The following ARF4 variants were observed in gnomAD, a reference collection of about 807,000 sequenced individuals.
ARF4 encodes ARF GTPase 4, also known as ADP-ribosylation factor 4.
ARF4 carries 5 observed loss-of-function variants against 24.3 expected under a neutral mutation model. The observed-to-expected ratio is 0.21, with a 90% CI of 0.11 to 0.43. The LOEUF is 0.43. Ranked by LOEUF, ARF4 falls within the 20% of genes least tolerant of loss-of-function variation. ARF4 has a pLI of 1.00. For synonymous variants in ARF4, 62 were observed against 73.5 expected, an observed-to-expected ratio of 0.84 and a Z score of 0.80; for missense variants, 107 against 213.0, an observed-to-expected ratio of 0.50 and a Z score of 3.10.
At chr3:57,574,998 C>T (rs2069886430) in intron 5 of ARF4, among the ~76,000 whole-genome samples, 2 of 152,106 alleles carry the variant, frequency 1.3e-5, no homozygotes, top group East Asian at 3.9e-4. Flanking sequence ...TACAGGCATG[C>T]GCAACCACAC....
chr3:57,575,274 ATCT>A lies in ARF4; in HGVS notation c.456+271_456+273del, dbSNP rs1019330622. The stretch of plus-strand genomic sequence containing the variant: ...AAAATTAAAATTAAGACTATCAATA[ATCT>A]TCTTTCCATTCCTTCCACCTCTCCC... On this transcript the variant is annotated intron_variant, in intron 5 of 5. Coordinates refer to ENST00000303436, the MANE Select transcript of ARF4 (RefSeq NM_001660.4). 2.0e-5 allele frequency among the ~76,000 whole-genome samples: 3 copies of A among 150,308 alleles called. No homozygotes were observed. The Admixed American group carries it at 2.0e-4, about 10-fold the overall frequency.
chr3:57,578,768 G>A (rs1306770633), intron 3 of ARF4, among the ~76,000 whole-genome samples: 5 of 152,026 alleles, frequency 3.3e-5, no homozygotes, highest in African/African-American at 4.8e-5. Context: ...CATGAGCCAT[G>A]GCACCTGGCC....
chr3:57,596,831 G>C, intron 1 of ARF4: 5 of 510,424 alleles, frequency 9.8e-6, no homozygotes, highest in South Asian at 8.8e-5. Context: ...AGGAGAAAAA[G>C]CCGAGTCCAG....
chr3:57,573,155 T>C (rs1490624476), intron 5 of ARF4, among the ~76,000 whole-genome samples: 4 of 147,262 alleles, frequency 2.7e-5, no homozygotes, highest in Non-Finnish European at 6.0e-5. Flanking sequence ...TGAGCCGAGA[T>C]CGTGCCACAG....
chr3:57,576,504 C>CTT lies in ARF4; in HGVS notation c.330+810_330+811dup, dbSNP rs376750506. ...GTGTGTGAAGTATGTCTCAACCAAG[C>CTT]TTTTTTTTTTTTTTTTTTTTTTGAA... is the stretch of plus-strand genomic sequence containing the variant. On this transcript the variant is annotated intron_variant, in intron 4 of 5. Transcript: ENST00000303436. 4.9e-3 allele frequency among the ~76,000 whole-genome samples: 501 copies of CTT among 101,558 alleles called. 6 individuals are homozygous for CTT. The highest frequency in any genetic ancestry group is 0.047 in the East Asian group (152 of 3,254). 66.6% of individuals were successfully genotyped at this position (101,558 alleles called of 152,430 possible). A position where few individuals can be genotyped will look rare whatever the true frequency, so the allele number is the denominator to read the frequency against.
chr3:57,584,879 G>T (rs556384101), intron 1 of ARF4, among the ~76,000 whole-genome samples: 1 of 151,862 alleles, frequency 6.6e-6, no homozygotes, highest in Admixed American at 6.6e-5. Flanking sequence ...GCAGGGGAGC[G>T]GGGGGACGTA....
At chr3:57,590,845 A>G (rs991873122) in intron 1 of ARF4, among the ~76,000 whole-genome samples, 2 of 152,118 alleles carry the variant, frequency 1.3e-5, no homozygotes, top group Admixed American at 6.6e-5. Context: ...TGCCCAGCTA[A>G]TTTTTAAAAT....
chr3:57,577,436 T>G, intron 3 of ARF4, 49 bp from the exon 4 acceptor site: 1 of 1,469,420 alleles, frequency 6.8e-7, no homozygotes, highest in Non-Finnish European at 9.5e-7. Context: ...CGACACTCTC[T>G]ATATGAAACA....
At chr3:57,586,573 C>G (rs1350381591) in intron 1 of ARF4, among the ~76,000 whole-genome samples, 3 of 152,156 alleles carry the variant, frequency 2.0e-5, no homozygotes, top group Non-Finnish European at 4.4e-5. Context: ...CCACTTCGTA[C>G]TCGGATACAG....
chr3:57,582,755 A>ATTAAC (rs9311655), intron 3 of ARF4, among the ~76,000 whole-genome samples: 55,078 of 151,452 alleles, frequency 0.36, 10,270 homozygotes, highest in East Asian at 0.56. Flanking sequence ...AAAAAAAATT[A>ATTAAC]TTAAGTAATA....
intron 1 of ARF4, among the ~76,000 whole-genome samples, chr3:57,594,921 G>A (rs888837622): frequency 2.6e-5 from 4 of 152,142 alleles, no homozygotes; most frequent in Admixed American, 6.6e-5. Flanking sequence ...CTCGTACGTT[G>A]ATACTTCCTT....
In ARF4 at chr3:57,584,011, C is replaced by T. The variant is rs745521800; in HGVS notation, c.149-4G>A. On this transcript the variant is annotated splice_region_variant and splice_polypyrimidine_tract_variant and intron_variant, in intron 2 of 5. Transcript: ENST00000303436. ...TCTACTGTTTCCACATTAAAACCTA[C>T]AAAGAAAAACAAAAATGACCGCTGT... 1.3e-6 allele frequency: 2 copies of T among 1,577,434 alleles called. No individual in the cohort carries two copies. The highest frequency in any genetic ancestry group is 1.7e-5 in the Admixed American group (1 of 58,798).
At chr3:57,596,153 G>A (rs897195623) in intron 1 of ARF4, among the ~76,000 whole-genome samples, 3 of 152,008 alleles carry the variant, frequency 2.0e-5, no homozygotes, top group Non-Finnish European at 4.4e-5. Context: ...TCCCTCAGCT[G>A]AGCAAAAACA....
intron 3 of ARF4, among the ~76,000 whole-genome samples, chr3:57,580,789 TAA>T (rs1215628192): frequency 6.7e-6 from 1 of 150,274 alleles, no homozygotes; most frequent in African/African-American, 2.4e-5. Context: ...TTTTTTTTTT[TAA>T]ATGTAAAGAC....
rs369229115 is a variant in ARF4, at chr3:57,573,586, C to A, written c.457-1288G>T. Among the ~76,000 whole-genome samples the A allele has an allele frequency of 5.3e-5, 8 of 152,132 alleles. No homozygotes were observed. The East Asian group carries it at 1.5e-3, about 29-fold the overall frequency. ...GTTGCTTGCTTATTTATTGATTGAT[C>A]GACTGATTGTTTTGAGGCAGAGTAC... On this transcript the variant is annotated intron_variant, in intron 5 of 5. Coordinates refer to ENST00000303436, the MANE Select transcript of ARF4 (RefSeq NM_001660.4).
chr3:57,572,123 G>T lies in ARF4; in HGVS notation c.*89C>A. Reference sequence around the variant, plus strand: ...TCTGCCCAAACCAGTCCCAGATACTGTTTAATAACCAAGATACAAACTAAT... The same window carrying T: ...TCTGCCCAAACCAGTCCCAGATACTTTTTAATAACCAAGATACAAACTAAT... On this transcript the variant is annotated 3_prime_UTR_variant, in exon 6 of 6. Transcript: ENST00000303436. 1 of 1,029,684 alleles carries T rather than the reference G, an allele frequency of 9.7e-7. No individual in the cohort carries two copies. The highest frequency in any genetic ancestry group is 1.5e-6 in the Non-Finnish European group (1 of 656,012). 63.8% of individuals were successfully genotyped at this position (1,029,684 alleles called of 1,614,324 possible). A position where few individuals can be genotyped will look rare whatever the true frequency, so the allele number is the denominator to read the frequency against.
At chr3:57,583,689 C>T (rs2070002577) in intron 3 of ARF4, among the ~76,000 whole-genome samples, 1 of 152,122 alleles carries the variant, frequency 6.6e-6, no homozygotes, top group South Asian at 2.1e-4. Context: ...CTTCCAAACA[C>T]TTACCGCAAT....
chr3:57,584,155 G>C (rs574177230), intron 2 of ARF4, 148 bp from the exon 3 acceptor site: 1 of 700,950 alleles, frequency 1.4e-6, no homozygotes, highest in South Asian at 2.0e-5. Flanking sequence ...CAGAGACAAG[G>C]CCTCATTATG....
intron 1 of ARF4, among the ~76,000 whole-genome samples, chr3:57,585,766 G>A (rs1335865395): frequency 6.7e-6 from 1 of 149,754 alleles, no homozygotes; most frequent in Non-Finnish European, 1.5e-5. Flanking sequence ...AGGTTCAAGC[G>A]ATTCTCCTAC....
Sources: allele counts gnomAD v4.1 joint callset (sites outside exome capture counted in the v4.1 genomes callset), GRCh38; gene constraint gnomAD v4.1.1; transcripts MANE v1.5; gene names NCBI Gene and HGNC (gene_info 2026-07-23, HGNC 2026-07-21).